ASXL2: variants seen among roughly 807,000 people sequenced by gnomAD.
ASXL2 encodes the protein ASXL transcriptional regulator 2.
A neutral mutation model predicts 122.0 loss-of-function variants in ASXL2; 23 were observed. The observed-to-expected ratio is 0.19, with a 90% CI of 0.14 to 0.27. ASXL2 has a LOEUF of 0.27. Ranked by LOEUF, ASXL2 falls within the 10% of genes least tolerant of loss-of-function variation. The pLI is 1.00. For missense variants in ASXL2, 1,518 were observed against 1,713.8 expected, an observed-to-expected ratio of 0.89 and a Z score of 2.02; for synonymous variants, 650 against 637.0, an observed-to-expected ratio of 1.02 and a Z score of -0.31.
rs1186756223 is a variant in ASXL2 at position 25,741,802 on chromosome 2, CTT to C, written c.*225_*226del. On this transcript the variant is annotated 3_prime_UTR_variant, in exon 13 of 13. Coordinates refer to ENST00000435504, the MANE Select transcript of ASXL2 (RefSeq NM_018263.6). ...ATTTACATGATTTTGTAAGTGCAAACTTGTCACAAATTCACAAAGTCTTGCTT... is the reference window on the plus strand; with the variant it reads ...ATTTACATGATTTTGTAAGTGCAAACGTCACAAATTCACAAAGTCTTGCTT... 8.1e-6 allele frequency: 4 copies of C among 492,914 alleles called. No individual in the cohort carries two copies. Among genetic ancestry groups the C allele is most frequent in the African/African-American group, 3.8e-5 (2 of 52,696 alleles). 30.5% of individuals were successfully genotyped at this position (492,914 alleles called of 1,614,324 possible). A position where few individuals can be genotyped will look rare whatever the true frequency, so the allele number is the denominator to read the frequency against.
At chr2:25,809,631 C>T (rs1192356880) in intron 3 of ASXL2, among the ~76,000 whole-genome samples, 1 of 152,118 alleles carries the variant, frequency 6.6e-6, no homozygotes, top group East Asian at 1.9e-4. Context: ...CAAATGGTTG[C>T]TATAAAACAA....
chr2:25,803,623 G>A (rs1559515684), intron 4 of ASXL2, among the ~76,000 whole-genome samples: 1 of 152,202 alleles, frequency 6.6e-6, no homozygotes, highest in Non-Finnish European at 1.5e-5. Flanking sequence ...GTCAGGGAGT[G>A]GGATGGTTTC....
At chr2:25,790,797 TGTC>T (rs2088818261) in intron 5 of ASXL2, among the ~76,000 whole-genome samples, 2 of 141,750 alleles carry the variant, frequency 1.4e-5, no homozygotes, top group African/African-American at 5.2e-5. Flanking sequence ...AACAGTTTTT[TGTC>T]TTTTTTTTTT....
rs1428514043 is a variant in ASXL2 at position 25,845,652 on chromosome 2, T to C, written c.58-89A>G. The C allele has an allele frequency of 1.5e-5, 8 of 518,346 alleles. No homozygotes were observed. The African/African-American group carries it at 1.6e-4, about 10-fold the overall frequency. The allele number at this position is 518,346 out of a possible 1,614,324, so 32.1% of individuals were successfully genotyped here. On this transcript the variant is annotated intron_variant, in intron 1 of 12. Transcript: ENST00000435504. ...TTTCTTATAATTACGTCTTAAAAGCTAAAATTAATAACCCAATTATTCACT... is the reference window on the plus strand; with the variant it reads ...TTTCTTATAATTACGTCTTAAAAGCCAAAATTAATAACCCAATTATTCACT...
rs1268853045 is a variant in ASXL2, at chr2:25,811,283, A to C, written c.144-4946T>G. Among the ~76,000 whole-genome samples the C allele has an allele frequency of 3.3e-5, 5 of 151,938 alleles. 1 individual carries two copies. The South Asian group carries it at 1.0e-3, about 32-fold the overall frequency. On this transcript the variant is annotated intron_variant, in intron 3 of 12. Transcript: ENST00000435504. ...ATAAATAAATAAATAAATAAATAAC[A>C]AAAGAAAACAGTATAACCTAGAAGA...
chr2:25,765,492 A>G (rs1397864542), intron 8 of ASXL2, among the ~76,000 whole-genome samples: 2 of 149,898 alleles, frequency 1.3e-5, no homozygotes, highest in African/African-American at 2.5e-5. Context: ...CAAAAAAAGA[A>G]AAAAAAAAAG....
intron 5 of ASXL2, among the ~76,000 whole-genome samples, chr2:25,772,931 G>A (rs1405884827): frequency 1.3e-5 from 2 of 151,862 alleles, no homozygotes; most frequent in Admixed American, 6.6e-5. Context: ...TGACTTGGCC[G>A]GGCGTGGTGG....
At chr2:25,765,234 C>T (rs1444349660) in intron 8 of ASXL2, among the ~76,000 whole-genome samples, 1 of 151,924 alleles carries the variant, frequency 6.6e-6, no homozygotes, top group African/African-American at 2.4e-5. Context: ...GCCTGTAATC[C>T]CAGCACTTTA....
intron 1 of ASXL2, among the ~76,000 whole-genome samples, chr2:25,861,902 A>G (rs1056910728): frequency 6.6e-6 from 1 of 152,200 alleles, no homozygotes; most frequent in African/African-American, 2.4e-5. Flanking sequence ...AACCCAACAA[A>G]TCAAACTTAA....
Position 25,740,336 on chromosome 2 carries a change from C to G in ASXL2, c.*1693G>C, listed in dbSNP as rs10153943. 18 of 224,490 alleles carry G rather than the reference C, an allele frequency of 8.0e-5. No individual in the cohort carries two copies. The highest frequency in any genetic ancestry group is 4.0e-4 in the African/African-American group (18 of 44,976). 13.9% of individuals were successfully genotyped at this position (224,490 alleles called of 1,614,324 possible). On this transcript the variant is annotated 3_prime_UTR_variant, in exon 13 of 13. Coordinates refer to ENST00000435504, the MANE Select transcript of ASXL2 (RefSeq NM_018263.6). ...GGGCAAAACAGAGATGATTATTGCC[C>G]ATTTTCTCCTAATCTGGAATGTGAC...
Position 25,737,721 on chromosome 2 carries a change from A to G in ASXL2, c.*4308T>C, listed in dbSNP as rs2087759417. The G allele has an allele frequency of 6.6e-6, 1 of 152,224 alleles. No homozygotes were observed. Among genetic ancestry groups the G allele is most frequent in the Admixed American group, 6.5e-5 (1 of 15,288 alleles). 9.4% of individuals were successfully genotyped at this position (152,224 alleles called of 1,614,324 possible). On this transcript the variant is annotated 3_prime_UTR_variant, in exon 13 of 13. Coordinates refer to ENST00000435504, the MANE Select transcript of ASXL2 (RefSeq NM_018263.6). ...TTTAATGATCTTTTACTTAATAATAAAATGAAAAATAAGAATATAGGAATA... is the reference window on the plus strand; with the variant it reads ...TTTAATGATCTTTTACTTAATAATAGAATGAAAAATAAGAATATAGGAATA...
At chr2:25,789,445 T>A (rs888953070) in intron 5 of ASXL2, among the ~76,000 whole-genome samples, 6 of 152,102 alleles carry the variant, frequency 3.9e-5, no homozygotes, top group African/African-American at 1.4e-4. Flanking sequence ...GTTAGAGTGG[T>A]TATTTTGGAG....
intron 1 of ASXL2, chr2:25,856,521 C>G (rs1421129547): frequency 4.5e-6 from 5 of 1,111,270 alleles, no homozygotes; most frequent in Non-Finnish European, 6.8e-6. Context: ...CCCCAAGAGC[C>G]TCCTCAATCC....
Position 25,771,683 on chromosome 2 carries a change from C to T in ASXL2, c.404-143G>A, listed in dbSNP as rs997047683. 6.2e-6 allele frequency: 4 copies of T among 649,504 alleles called. No homozygotes were observed. The African/African-American group carries it at 7.5e-5, about 12-fold the overall frequency. The allele number at this position is 649,504 out of a possible 1,614,324, so 40.2% of individuals were successfully genotyped here. A position where few individuals can be genotyped will look rare whatever the true frequency, so the allele number is the denominator to read the frequency against. ...CGATGTACTTTTTGGAGTTTTACTG[C>T]AAACAGCCTCCCTTTTCAGTTTTTT... On this transcript the variant is annotated intron_variant, in intron 5 of 12. Transcript: ENST00000435504.
chr2:25,739,937 T>C lies in ASXL2; in HGVS notation c.*2092A>G, dbSNP rs545170031. On this transcript the variant is annotated 3_prime_UTR_variant, in exon 13 of 13. Transcript: ENST00000435504. ...TTAAGGGGTAGGGCAGGGAGAGTTC[T>C]ATGCAGCAACAGGTCTCTTTAAACC... The C allele has an allele frequency of 4.6e-6, 1 of 217,560 alleles. No individual in the cohort carries two copies. The highest frequency in any genetic ancestry group is 2.2e-5 in the African/African-American group (1 of 44,624). The allele number at this position is 217,560 out of a possible 1,614,324, so 13.5% of individuals were successfully genotyped here. A position where few individuals can be genotyped will look rare whatever the true frequency, so the allele number is the denominator to read the frequency against.
rs2087816705 is a variant in ASXL2 at position 25,740,942 on chromosome 2, T to C, written c.*1087A>G. The C allele has an allele frequency of 5.2e-6, 1 of 193,076 alleles. No individual in the cohort carries two copies. The highest frequency in any genetic ancestry group is 1.9e-4 in the South Asian group (1 of 5,156). The allele number at this position is 193,076 out of a possible 1,614,324, so 12.0% of individuals were successfully genotyped here. A position where few individuals can be genotyped will look rare whatever the true frequency, so the allele number is the denominator to read the frequency against. On this transcript the variant is annotated 3_prime_UTR_variant, in exon 13 of 13. Transcript: ENST00000435504. ...ATGAACAAATGTGGCATTGGTGAGC[T>C]TTTCTACCTGCAACAGCAGCTGACT... is the stretch of plus-strand genomic sequence containing the variant.
At chr2:25,753,137 T>C (rs192390456) in intron 11 of ASXL2, among the ~76,000 whole-genome samples, 97 of 151,562 alleles carry the variant, frequency 6.4e-4, no homozygotes, top group African/African-American at 2.2e-3. Flanking sequence ...CCAACTAATT[T>C]TGTATTTTTT....
At chr2:25,750,462 G>A (rs1463907284) in intron 11 of ASXL2, 49 bp from the exon 12 acceptor site, 2 of 1,479,234 alleles carry the variant, frequency 1.4e-6, no homozygotes, top group Admixed American at 4.4e-5. Flanking sequence ...AGCCCATGTT[G>A]CGAAAGCATT....
At chr2:25,856,879 C>A in intron 1 of ASXL2, 1 of 726,092 alleles carries the variant, frequency 1.4e-6, no homozygotes, top group South Asian at 1.6e-5. Context: ...TCATTCTGGT[C>A]AAAGGGGTCC....
Sources: allele counts gnomAD v4.1 joint callset (sites outside exome capture counted in the v4.1 genomes callset), GRCh38; gene constraint gnomAD v4.1.1; transcripts MANE v1.5; gene names NCBI Gene and HGNC (gene_info 2026-07-23, HGNC 2026-07-21).